CDCA3: variants seen among roughly 807,000 people sequenced by gnomAD.
The protein encoded by CDCA3 is cell division cycle-associated protein 3.
Under a neutral mutation model 29.1 loss-of-function variants are expected in CDCA3, and 16 were observed. That is an observed-to-expected ratio of 0.55 (90% CI 0.37 to 0.83). The LOEUF (loss-of-function observed/expected upper bound fraction) is 0.83. Ranked by LOEUF, CDCA3 falls within the 40% of genes least tolerant of loss-of-function variation. The probability of loss-of-function intolerance (pLI) is 0.00; values close to 1 mark genes in which losing one functional copy is unlikely to be tolerated. For missense variants in CDCA3, 291 were observed against 327.2 expected (o/e 0.89, Z 0.85); for synonymous variants, 88 against 124.5 (o/e 0.71, Z 1.95).
downstream of CDCA3, chr12:6,845,942 A>C (rs1345943720): frequency 4.6e-6 from 3 of 655,390 alleles, no homozygotes; most frequent in African/African-American, 3.6e-5. Flanking sequence ...CCACCCCTGG[A>C]ATCCAGTACC....
At chr12:6,846,443 T>C (rs1051336514), downstream of CDCA3, 7 of 208,276 alleles carry the variant, frequency 3.4e-5, no homozygotes, top group African/African-American at 1.2e-4. Flanking sequence ...GGTTTTTTCA[T>C]AGTACACAGA....
chr12:6,849,345 G>A lies in CDCA3; in HGVS notation c.629C>T (p.Pro210Leu). Residue 210 changes from proline (P) to leucine (L), a missense_variant, in exon 5 of 6, where the codon CCT becomes CTT. Pro to Leu is a moderately conservative substitution (Grantham distance 98, BLOSUM62 -3). Coordinates refer to ENST00000538862, the MANE Select transcript of CDCA3 (RefSeq NM_031299.7). The surrounding 1 kb of genome is among the most constrained non-coding windows in gnomAD (Gnocchi z 5.2). ...PLTILQDDNS[P>L]GTLTLRQGKR... The stretch of plus-strand genomic sequence containing the variant: ...TACCTGTCGTAGTGTCAGGGTGCCA[G>A]GGGAGTTGTCATCCTGCAGGATGGT... The A allele has an allele frequency of 6.2e-7, 1 of 1,603,482 alleles. No homozygotes were observed. Among genetic ancestry groups the A allele is most frequent in the Non-Finnish European group, 8.5e-7 (1 of 1,174,936 alleles).
chr12:6,846,562 G>T, downstream of CDCA3: 2 of 438,166 alleles, frequency 4.6e-6, no homozygotes, highest in East Asian at 3.5e-5. Flanking sequence ...GCCTTCTTCA[G>T]GGGTTGAGCC....
chr12:6,847,125 C>T (rs1746221454), downstream of CDCA3: 1 of 527,362 alleles, frequency 1.9e-6, no homozygotes, highest in Admixed American at 3.2e-5. Context: ...CCCCACAGTC[C>T]TCACAGCCTC....
chr12:6,846,517 C>A, downstream of CDCA3: 1 of 343,116 alleles, frequency 2.9e-6, no homozygotes, highest in Non-Finnish European at 5.4e-6. Flanking sequence ...ACAGAGAACC[C>A]CCTGCCCTAC....
downstream of CDCA3, among the ~76,000 whole-genome samples, chr12:6,847,582 A>G (rs1328645463): frequency 3.3e-5 from 5 of 152,192 alleles, no homozygotes; most frequent in Admixed American, 6.5e-5. Context: ...TGTGTGCAGC[A>G]GTTCGCTATG....
chr12:6,847,670 C>T (rs1943733621), downstream of CDCA3, among the ~76,000 whole-genome samples: 1 of 152,142 alleles, frequency 6.6e-6, no homozygotes, highest in Non-Finnish European at 1.5e-5. Context: ...TCTTGAATGT[C>T]AAGCCAGAGA....
At chr12:6,845,321 C>G, downstream of CDCA3, 1 of 455,012 alleles carries the variant, frequency 2.2e-6, no homozygotes, top group Non-Finnish European at 4.0e-6. Flanking sequence ...TCACTGCAGG[C>G]AAGCCTTGGT....
downstream of CDCA3, chr12:6,848,473 G>A (rs1555125295): frequency 6.6e-6 from 1 of 152,362 alleles, no homozygotes; most frequent in African/African-American, 2.4e-5. Flanking sequence ...TTGGTGGCTG[G>A]GTAGATAATG....
At chr12:6,845,452 A>G, downstream of CDCA3, 2 of 650,224 alleles carry the variant, frequency 3.1e-6, no homozygotes, top group Non-Finnish European at 5.5e-6. Context: ...TCTCACCCCA[A>G]ACCAAGGGAG....
In CDCA3 at chr12:6,850,828, A is replaced by G; in HGVS notation, c.120+5T>C. 1 of 1,613,500 alleles carries G rather than the reference A, an allele frequency of 6.2e-7. No homozygotes were observed. ...CTCTGCCTTTCCCACGCTGGCCCAG[A>G]GTACCTGGATGGGAGTGCGCAGGAT... On this transcript the variant is annotated splice_donor_5th_base_variant and intron_variant, in intron 2 of 5. Coordinates refer to ENST00000538862, the MANE Select transcript of CDCA3 (RefSeq NM_031299.7). The surrounding 1 kb of genome is among the most constrained non-coding windows in gnomAD (Gnocchi z 4.7).
rs782102936 is a variant in CDCA3 at position 6,849,751 on chromosome 12, A to C, written c.358T>G (p.Ser120Ala). ...GTACCCAGAGGCAAGTCCAATTCAGAAGATAAAGGTGCCTCTGGGGGCAGA... is the reference window on the plus strand; with the variant it reads ...GTACCCAGAGGCAAGTCCAATTCAGCAGATAAAGGTGCCTCTGGGGGCAGA... ...PVLPPEAPLS[S>A]ELDLPLGTQL... Residue 120 changes from serine (S) to alanine (A), a missense_variant, in exon 4 of 6, where the codon TCT becomes GCT. Ser to Ala is a moderately conservative substitution (Grantham distance 99, BLOSUM62 1). Coordinates refer to ENST00000538862, the MANE Select transcript of CDCA3 (RefSeq NM_031299.7). This position sits in a 1 kb window ranked among gnomAD's most constrained non-coding sequence, Gnocchi z 5.2. 1.9e-6 allele frequency: 3 copies of C among 1,612,720 alleles called. No homozygotes were observed. The highest frequency in any genetic ancestry group is 3.3e-5 in the Admixed American group (2 of 59,856).
chr12:6,850,990 C>T lies in CDCA3; in HGVS notation c.-38G>A. 1 of 1,590,932 alleles carries T rather than the reference C, an allele frequency of 6.3e-7. No homozygotes were observed. On this transcript the variant is annotated 5_prime_UTR_variant, in exon 2 of 6. Transcript: ENST00000538862. The surrounding 1 kb of genome is among the most constrained non-coding windows in gnomAD (Gnocchi z 4.7). ...TTGCAGGGTGGGGGCAAGGGCCAGC[C>T]CGGGACGAGGAGGGAATGCCTGTGA...
Position 6,849,586 on chromosome 12 carries a change from G to A in CDCA3, c.523C>T (p.Pro175Ser). 6.2e-7 allele frequency: 1 copy of A among 1,609,882 alleles called. No homozygotes were observed. The highest frequency in any genetic ancestry group is 8.5e-7 in the Non-Finnish European group (1 of 1,177,842). The change falls in exon 4 of 6, where the codon CCT becomes TCT. Residue 175 changes from proline to serine, a missense_variant. By Grantham distance (74) the Pro-to-Ser change is moderately conservative (BLOSUM62 -1). Transcript: ENST00000538862. This position sits in a 1 kb window ranked among gnomAD's most constrained non-coding sequence, Gnocchi z 5.2. ...SQSSDKPSRDPETPRSSGSMR... is the reference protein window; with the variant it reads ...SQSSDKPSRDSETPRSSGSMR... ...GTACCTGAAGATCTGGGAGTCTCAG[G>A]GTCCCTTGAGGGCTTGTCGGAGCTC...
chr12:6,846,701 C>CCCACA (rs1565521462), downstream of CDCA3: 32 of 683,676 alleles, frequency 4.7e-5, no homozygotes, highest in Non-Finnish European at 7.9e-5. Flanking sequence ...ACACACACAC[C>CCCACA]CACACACCCA....
At position 6,849,446 on chromosome 12, in the gene CDCA3, G is replaced by GT. The variant is rs781877923; in HGVS notation, c.545-18dup. On this transcript the variant is annotated splice_polypyrimidine_tract_variant and intron_variant, in intron 4 of 5. Coordinates refer to ENST00000538862, the MANE Select transcript of CDCA3 (RefSeq NM_031299.7). The surrounding 1 kb of genome is among the most constrained non-coding windows in gnomAD (Gnocchi z 5.2). ...GCATAGAACCTGGGGTGGGTAAGGC[G>GT]TTAAAGCAAGGACCCAAAACTAGGA... The GT allele has an allele frequency of 3.8e-6, 6 of 1,568,912 alleles. No homozygotes were observed. The South Asian group carries it at 7.1e-5, about 19-fold the overall frequency.
chr12:6,848,721 G>T, downstream of CDCA3: 1 of 333,626 alleles, frequency 3.0e-6, no homozygotes, highest in Non-Finnish European at 5.5e-6. Flanking sequence ...CATGGTTAAA[G>T]GGAGATGTGC....
rs370001043 is a variant in CDCA3, at chr12:6,849,835, G to C, written c.274C>G (p.Gln92Glu). Reference sequence around the variant, plus strand: ...TCAGTTTCAAATACTTCACTCAGCTGTTTCACCAGTGGGCTTGGGGGGTCT... The same window carrying C: ...TCAGTTTCAAATACTTCACTCAGCTCTTTCACCAGTGGGCTTGGGGGGTCT... ...SGDPPSPLVK[Q>E]LSEVFETEDS... Residue 92 changes from glutamine (Q) to glutamate (E), a missense_variant, in exon 4 of 6, where the codon CAG (glutamine) becomes GAG (glutamate). Coordinates refer to ENST00000538862, the MANE Select transcript of CDCA3 (RefSeq NM_031299.7). The surrounding 1 kb of genome is among the most constrained non-coding windows in gnomAD (Gnocchi z 5.2). The C allele has an allele frequency of 1.3e-6, 2 of 1,548,776 alleles. No homozygotes were observed. The highest frequency in any genetic ancestry group is 1.7e-6 in the Non-Finnish European group (2 of 1,145,152).
chr12:6,846,933 C>T (rs1417499908), downstream of CDCA3: 3 of 1,206,094 alleles, frequency 2.5e-6, no homozygotes, highest in African/African-American at 1.5e-5. Flanking sequence ...AGGCAGTGAA[C>T]ACACTCAGCA....
Sources: gnomAD v4.1 joint callset for allele counts (sites outside exome capture counted in the v4.1 genomes callset) on GRCh38, gnomAD v4.1.1 for gene constraint, Gnocchi (gnomAD v3.1) non-coding constraint, MANE v1.5 for transcripts, NCBI Gene and HGNC (gene_info 2026-07-23, HGNC 2026-07-21) for gene names.